The following IRAG1 variants were observed in gnomAD, a reference collection of about 807,000 sequenced individuals.
IRAG1 encodes IP3R-associated cGMP kinase substrate.
IRAG1 carries 62 observed loss-of-function variants against 106.2 expected under a neutral mutation model. The observed-to-expected ratio is 0.58, with a 90% CI of 0.48 to 0.72. The LOEUF (loss-of-function observed/expected upper bound fraction) is 0.72, where lower values mean the gene tolerates loss of function less well. IRAG1 is among the 30% of genes least tolerant of loss of function. The probability of loss-of-function intolerance (pLI) is 0.00; values close to 1 mark genes in which losing one functional copy is unlikely to be tolerated. For missense variants in IRAG1, 1,064 were observed against 1,140.7 expected (o/e 0.93, Z 0.97); for synonymous variants, 462 against 443.9 (o/e 1.04, Z -0.51).
chr11:10,602,042 C>T (rs1449917352), intron 14 of IRAG1, among the ~76,000 whole-genome samples: 1 of 152,220 alleles, frequency 6.6e-6, no homozygotes, highest in Non-Finnish European at 1.5e-5. Context: ...CAGAGGGACA[C>T]ACCCAGTGGC....
chr11:10,582,963 G>C (rs1442855332), intron 18 of IRAG1, among the ~76,000 whole-genome samples: 1 of 152,110 alleles, frequency 6.6e-6, no homozygotes, highest in Admixed American at 6.5e-5. Context: ...AAAAAGCAGA[G>C]GAGAGATCAT....
intron 11 of IRAG1, among the ~76,000 whole-genome samples, chr11:10,607,653 C>G (rs1005249714): frequency 1.6e-5 from 2 of 128,160 alleles, no homozygotes; most frequent in African/African-American, 5.3e-5. Flanking sequence ...CAGAACTTGG[C>G]AACAGAGCAT....
At chr11:10,621,723 C>A (rs1855849636) in intron 10 of IRAG1, among the ~76,000 whole-genome samples, 1 of 152,272 alleles carries the variant, frequency 6.6e-6, no homozygotes, top group Non-Finnish European at 1.5e-5. Context: ...TACATAAAAT[C>A]AGAGGTAACA....
chr11:10,631,890 G>T, intron 4 of IRAG1, 101 bp downstream of exon 4: 1 of 915,262 alleles, frequency 1.1e-6, no homozygotes. Context: ...CTTATCGGGA[G>T]GGAGCGCCTT....
rs979817350 is a variant in IRAG1 at position 10,659,732 on chromosome 11, G to A, written c.68-7550C>T. On this transcript the variant is annotated intron_variant, in intron 1 of 20. Transcript: ENST00000423302. The surrounding 1 kb of genome is among the most constrained non-coding windows in gnomAD (Gnocchi z 4.1). ...TCTTTTTTTAAAAATAGGTCCACTT[G>A]AAAAAATTTTTTCTTCTTCAAAATA... Among the ~76,000 whole-genome samples, 1 of 152,018 alleles carries A rather than the reference G, an allele frequency of 6.6e-6. No individual in the cohort carries two copies. The highest frequency in any genetic ancestry group is 1.5e-5 in the Non-Finnish European group (1 of 67,980).
At chr11:10,652,235 C>T (rs772926038) in intron 1 of IRAG1, 53 bp from the exon 2 acceptor site, 2 of 1,598,346 alleles carry the variant, frequency 1.3e-6, no homozygotes, top group South Asian at 2.2e-5. Context: ...CTGTCCCAAG[C>T]TGGGTTCCAT....
intron 1 of IRAG1, among the ~76,000 whole-genome samples, chr11:10,680,524 A>AAAGGAAGAAAGGAAGAAAGGAAGAAAGG (rs1554935785): frequency 2.9e-5 from 4 of 139,144 alleles, no homozygotes; most frequent in African/African-American, 1.2e-4. Context: ...AGAAAGGAAG[A>AAAGGAAGAAAGGAAGAAAGGAAGAAAGG]AAGGAAGGAA....
intron 2 of IRAG1, among the ~76,000 whole-genome samples, chr11:10,639,773 T>C (rs1248857181): frequency 6.6e-6 from 1 of 152,184 alleles, no homozygotes; most frequent in Non-Finnish European, 1.5e-5. Context: ...GTTTGTATGA[T>C]TGACTCACAA....
intron 1 of IRAG1, among the ~76,000 whole-genome samples, chr11:10,684,348 A>G (rs1861494011): frequency 6.6e-6 from 1 of 152,092 alleles, no homozygotes. Context: ...TCAGTAAACT[A>G]TTGCAAGGAC....
chr11:10,655,476 G>A (rs1407449306), intron 1 of IRAG1, among the ~76,000 whole-genome samples: 2 of 152,194 alleles, frequency 1.3e-5, no homozygotes, highest in East Asian at 3.8e-4. Flanking sequence ...TGACTGAAAG[G>A]TCAGATGAAG....
chr11:10,629,439 C>T (rs1433994572), intron 5 of IRAG1, 99 bp downstream of exon 5: 7 of 1,337,182 alleles, frequency 5.2e-6, no homozygotes, highest in Non-Finnish European at 7.1e-6. Context: ...CCAAGGCGAC[C>T]TCCTCGGAGG....
intron 8 of IRAG1, 77 bp from the exon 9 acceptor site, chr11:10,626,660 G>A (rs1856269132): frequency 1.4e-6 from 2 of 1,468,396 alleles, no homozygotes; most frequent in Non-Finnish European, 1.8e-6. Context: ...CTGCTGTGGA[G>A]TCTCTGCCCC....
At chr11:10,583,472 T>C (rs928228905) in intron 18 of IRAG1, among the ~76,000 whole-genome samples, 1 of 151,910 alleles carries the variant, frequency 6.6e-6, no homozygotes, top group African/African-American at 2.4e-5. Flanking sequence ...GCAGACAAGG[T>C]GACTATTAGA....
At position 10,626,575 on chromosome 11, in the gene IRAG1, G is replaced by C. The variant is rs1428048931; in HGVS notation, c.759C>G (p.Pro253=). The part of the protein sequence containing the change: ...SSPHPGEPNV[P]KGLADRKQND... ...TCTGCTTCCTGTCAGCTAGCCCTTT[G>C]GGGACGTTCTGAAAAAGACAAGGTA... Residue 253 remains proline, a synonymous_variant, in exon 9 of 21, where the codon CCC becomes CCG. Transcript: ENST00000423302. 6.2e-7 allele frequency: 1 copy of C among 1,601,202 alleles called. No homozygotes were observed. Among genetic ancestry groups the C allele is most frequent in the Admixed American group, 1.7e-5 (1 of 58,858 alleles).
rs967938273 is a variant in IRAG1, at chr11:10,647,086, C to T, written c.225+4939G>A. Among the ~76,000 whole-genome samples, 3 of 152,184 alleles carry T rather than the reference C, an allele frequency of 2.0e-5. No individual in the cohort carries two copies. Among genetic ancestry groups the T allele is most frequent in the Non-Finnish European group, 2.9e-5 (2 of 68,030 alleles). On this transcript the variant is annotated intron_variant, in intron 2 of 20. Coordinates refer to ENST00000423302, the MANE Select transcript of IRAG1 (RefSeq NM_130385.4). This position sits in a 1 kb window ranked among gnomAD's most constrained non-coding sequence, Gnocchi z 4.3. ...TGGTGCTTTGGCATTCCCCTGACAG[C>T]GAGCTCTGAAGTTGGCCCTTCTGAG...
At chr11:10,632,205 T>TTTGA in intron 3 of IRAG1, 144 bp from the exon 4 acceptor site, 1 of 558,580 alleles carries the variant, frequency 1.8e-6, no homozygotes, top group Non-Finnish European at 3.0e-6. Flanking sequence ...TTTTTTTTTT[T>TTTGA]GACTCAGTTT....
rs1859050499 is a variant in IRAG1, at chr11:10,657,936, C to T, written c.68-5754G>A. Among the ~76,000 whole-genome samples, 1 of 152,234 alleles carries T rather than the reference C, an allele frequency of 6.6e-6. No homozygotes were observed. Among genetic ancestry groups the T allele is most frequent in the Non-Finnish European group, 1.5e-5 (1 of 68,050 alleles). On this transcript the variant is annotated intron_variant, in intron 1 of 20. Coordinates refer to ENST00000423302, the MANE Select transcript of IRAG1 (RefSeq NM_130385.4). This position sits in a 1 kb window ranked among gnomAD's most constrained non-coding sequence, Gnocchi z 4.1. Reference sequence around the variant, plus strand: ...GAGTCAGAAAAGTCCCCAGAGCACCCATGCCCCGAGCCCGGCTGCATGTGG... The same window carrying T: ...GAGTCAGAAAAGTCCCCAGAGCACCTATGCCCCGAGCCCGGCTGCATGTGG...
chr11:10,668,004 A>G (rs953223644), intron 1 of IRAG1, among the ~76,000 whole-genome samples: 2 of 152,184 alleles, frequency 1.3e-5, no homozygotes, highest in Admixed American at 6.5e-5. Flanking sequence ...ACTAACACCA[A>G]GGTATCCTGC....
intron 18 of IRAG1, among the ~76,000 whole-genome samples, chr11:10,583,595 G>A (rs559371496): frequency 8.5e-5 from 13 of 152,308 alleles, no homozygotes; most frequent in African/African-American, 3.1e-4. Context: ...AGCAATTCGA[G>A]TAGGAAGGAG....
Sources: gnomAD v4.1 joint callset for allele counts (sites outside exome capture counted in the v4.1 genomes callset) on GRCh38, gnomAD v4.1.1 for gene constraint, Gnocchi (gnomAD v3.1) non-coding constraint, MANE v1.5 for transcripts, NCBI Gene and HGNC (gene_info 2026-07-23, HGNC 2026-07-21) for gene names.